Variants in CTDP1 observed in about 807,000 individuals in gnomAD.
The protein encoded by CTDP1 is RNA polymerase II subunit A C-terminal domain phosphatase.
In CTDP1, 47 loss-of-function variants were observed where a neutral mutation model predicts 91.8. The observed-to-expected ratio is 0.51, with a 90% CI of 0.41 to 0.65. The LOEUF is 0.65. Among genes scored for constraint, CTDP1 ranks in the 30% least tolerant of loss-of-function variants. The pLI, the probability that CTDP1 is intolerant of heterozygous loss-of-function variation, is 0.00. For missense variants in CTDP1, 1,272 were observed against 1,373.7 expected (o/e 0.93, Z 1.17); for synonymous variants, 656 against 598.5 (o/e 1.10, Z -1.40).
In CTDP1 at chr18:79,753,617, C is replaced by T. The variant is rs555832747; in HGVS notation, c.2748-35C>T. 7.0e-5 allele frequency: 113 copies of T among 1,614,016 alleles called. 1 individual carries two copies. Among genetic ancestry groups the T allele is most frequent in the South Asian group, 5.5e-4 (50 of 91,062 alleles). On this transcript the variant is annotated intron_variant, in intron 12 of 12. Transcript: ENST00000613122. ...CGGTGACCCGGCGTTGTGCGTTTGCCACAAGCATCTCACACCATGTTTGCT... is the reference window on the plus strand; with the variant it reads ...CGGTGACCCGGCGTTGTGCGTTTGCTACAAGCATCTCACACCATGTTTGCT...
intron 8 of CTDP1, among the ~76,000 whole-genome samples, chr18:79,716,062 A>G (rs768196213): frequency 3.9e-5 from 6 of 152,224 alleles, no homozygotes; most frequent in Admixed American, 6.5e-5. Flanking sequence ...CCTTTCAGCA[A>G]TAGGTGATTC....
At chr18:79,689,584 G>A (rs976589918) in intron 1 of CTDP1, among the ~76,000 whole-genome samples, 4 of 152,078 alleles carry the variant, frequency 2.6e-5, no homozygotes, top group South Asian at 2.1e-4. Context: ...TCAGGAATTC[G>A]AGACCAGCCT....
upstream of CTDP1, chr18:79,679,346 G>A (rs1485931241): frequency 6.7e-6 from 3 of 446,154 alleles, no homozygotes; most frequent in African/African-American, 2.0e-5. Flanking sequence ...TGGGCCCGCG[G>A]CGCGCAAGGC....
At chr18:79,750,218 C>T (rs1029590677) in intron 12 of CTDP1, among the ~76,000 whole-genome samples, 4 of 151,898 alleles carry the variant, frequency 2.6e-5, no homozygotes, top group African/African-American at 4.8e-5. Context: ...CTTGCTCTGT[C>T]GCCCAGGCTG....
intron 12 of CTDP1, among the ~76,000 whole-genome samples, chr18:79,750,202 C>T (rs1390503619): frequency 6.6e-6 from 1 of 151,788 alleles, no homozygotes; most frequent in African/African-American, 2.4e-5. Context: ...TTTTTTAAGA[C>T]AGGGTCTTGC....
At chr18:79,748,264 A>G (rs2086920024) in intron 12 of CTDP1, among the ~76,000 whole-genome samples, 1 of 152,212 alleles carries the variant, frequency 6.6e-6, no homozygotes, top group South Asian at 2.1e-4. Context: ...TGCTCCAAAC[A>G]TCGTTTAACT....
At chr18:79,744,413 A>G (rs893178227) in intron 12 of CTDP1, among the ~76,000 whole-genome samples, 3 of 152,242 alleles carry the variant, frequency 2.0e-5, no homozygotes, top group African/African-American at 4.8e-5. Flanking sequence ...TGCAAAAGAA[A>G]ACAGAAAAGG....
intron 1 of CTDP1, among the ~76,000 whole-genome samples, chr18:79,693,653 C>G (rs1471406120): frequency 6.6e-6 from 1 of 152,190 alleles, no homozygotes; most frequent in African/African-American, 2.4e-5. Context: ...AGCTCAGATT[C>G]TTGATAGTCA....
At chr18:79,711,277 C>A (rs2086078543) in intron 6 of CTDP1, among the ~76,000 whole-genome samples, 1 of 152,156 alleles carries the variant, frequency 6.6e-6, no homozygotes, top group East Asian at 1.9e-4. Context: ...AGTCCCTTGA[C>A]CTCCAAATTT....
intron 12 of CTDP1, among the ~76,000 whole-genome samples, chr18:79,747,351 C>T (rs1007657204): frequency 1.3e-5 from 2 of 152,214 alleles, no homozygotes; most frequent in Non-Finnish European, 2.9e-5. Context: ...ACAATGTTCA[C>T]ACCCAGAGCT....
chr18:79,680,088 G>C lies in CTDP1; in HGVS notation c.141G>C (p.Ser47=), dbSNP rs775563755. 6.8e-6 allele frequency: 9 copies of C among 1,324,512 alleles called. No individual in the cohort carries two copies. In the South Asian group the frequency reaches 1.8e-4, roughly 27 times the overall value. The allele number at this position is 1,324,512 out of a possible 1,614,324, so 82.0% of individuals were successfully genotyped here. A position where few individuals can be genotyped will look rare whatever the true frequency, so the allele number is the denominator to read the frequency against. The change falls in exon 1 of 13, where the codon TCG becomes TCC. Residue 47 remains serine, a synonymous_variant. Transcript: ENST00000613122. The stretch of plus-strand genomic sequence containing the variant: ...CGGGCGCGGCCGTGCGCATCGGCTC[G>C]GTGCTGGCCGTGTTCGAGGCCGCCG... ...VAAGAAVRIG[S]VLAVFEAAAS...
At chr18:79,748,359 C>T (rs1480919503) in intron 12 of CTDP1, among the ~76,000 whole-genome samples, 3 of 152,200 alleles carry the variant, frequency 2.0e-5, no homozygotes, top group Admixed American at 2.0e-4. Context: ...ATTCGCAGCA[C>T]CAGGAGGGAC....
At chr18:79,756,539 C>T (rs962766059), downstream of CTDP1, 5 of 152,232 alleles carry the variant, frequency 3.3e-5, no homozygotes, top group African/African-American at 9.6e-5. Context: ...CTGTGCTATG[C>T]GAAGAAACCA....
chr18:79,747,290 G>A (rs577780871), intron 12 of CTDP1, among the ~76,000 whole-genome samples: 1 of 152,298 alleles, frequency 6.6e-6, no homozygotes, highest in South Asian at 2.1e-4. Context: ...TCTTCCACCT[G>A]TAACACACAC....
intron 12 of CTDP1, 77 bp downstream of exon 12, chr18:79,736,598 C>A (rs915417466): frequency 2.2e-6 from 3 of 1,366,178 alleles, no homozygotes; most frequent in African/African-American, 2.9e-5. Context: ...GGCCGCCTAC[C>A]TGCATCTCAT....
At chr18:79,749,154 C>T (rs2122887106) in intron 12 of CTDP1, among the ~76,000 whole-genome samples, 1 of 152,336 alleles carries the variant, frequency 6.6e-6, no homozygotes, top group Non-Finnish European at 1.5e-5. Flanking sequence ...CTTTGCCATC[C>T]TCTTGCTGCC....
intron 10 of CTDP1, among the ~76,000 whole-genome samples, chr18:79,720,525 C>T (rs2122679748): frequency 6.6e-6 from 1 of 151,676 alleles, no homozygotes; most frequent in Admixed American, 6.6e-5. Context: ...GATGATGTCA[C>T]CACCCGTCAT....
At chr18:79,692,264 G>A (rs1013303047) in intron 1 of CTDP1, among the ~76,000 whole-genome samples, 22 of 152,184 alleles carry the variant, frequency 1.4e-4, no homozygotes, top group African/African-American at 4.1e-4. Context: ...AGCCCCACTG[G>A]CTGGAAGGTG....
At chr18:79,684,242 G>T (rs1383614967) in intron 1 of CTDP1, among the ~76,000 whole-genome samples, 1 of 152,236 alleles carries the variant, frequency 6.6e-6, no homozygotes, top group South Asian at 2.1e-4. Context: ...TGCTCACAGT[G>T]CCGAGGAGCA....
Sources: gnomAD v4.1 joint callset for allele counts (sites outside exome capture counted in the v4.1 genomes callset) on GRCh38, gnomAD v4.1.1 for gene constraint, MANE v1.5 for transcripts, NCBI Gene and HGNC (gene_info 2026-07-23, HGNC 2026-07-21) for gene names.